Variants in ST6GALNAC3 observed in about 807,000 individuals in gnomAD.
ST6GALNAC3 encodes ST6 N-acetylgalactosaminide alpha-2,6-sialyltransferase 3, also known as alpha-N-acetylgalactosaminide alpha-2,6-sialyltransferase 3.
In ST6GALNAC3, 25 loss-of-function variants were observed where a neutral mutation model predicts 32.7. The observed-to-expected ratio is 0.76, with a 90% CI of 0.56 to 1.07. The LOEUF is 1.07. Among genes scored for constraint, ST6GALNAC3 ranks in the 50% least tolerant of loss-of-function variants. ST6GALNAC3 has a pLI of 0.00. For synonymous variants in ST6GALNAC3, 129 were observed against 133.1 expected (o/e 0.97, Z 0.21); for missense variants, 355 against 382.4 (o/e 0.93, Z 0.60).
intron 3 of ST6GALNAC3, among the ~76,000 whole-genome samples, chr1:76,578,968 A>G (rs1007295580): frequency 2.6e-5 from 4 of 152,004 alleles, no homozygotes; most frequent in Non-Finnish European, 5.9e-5. Context: ...GGGAGAGAGC[A>G]AGAGTGAGTT....
intron 3 of ST6GALNAC3, among the ~76,000 whole-genome samples, chr1:76,615,128 TAAG>T (rs1648213018): frequency 6.6e-6 from 1 of 152,126 alleles, no homozygotes; most frequent in Non-Finnish European, 1.5e-5. Context: ...GCTTCAATGA[TAAG>T]GAGGGAGCTG....
intron 2 of ST6GALNAC3, among the ~76,000 whole-genome samples, chr1:76,381,234 A>C (rs1651694070): frequency 6.6e-6 from 1 of 151,754 alleles, no homozygotes; most frequent in Non-Finnish European, 1.5e-5. Context: ...TGTGATGATA[A>C]GAGATTATAG....
chr1:76,378,287 C>T (rs1651401511), intron 2 of ST6GALNAC3, among the ~76,000 whole-genome samples: 1 of 152,110 alleles, frequency 6.6e-6, no homozygotes, highest in African/African-American at 2.4e-5. Flanking sequence ...TCTAGGCATC[C>T]TTGTTGATAG....
chr1:76,402,867 T>C (rs1430990552), intron 2 of ST6GALNAC3, among the ~76,000 whole-genome samples: 1 of 152,076 alleles, frequency 6.6e-6, no homozygotes, highest in Non-Finnish European at 1.5e-5. Context: ...AAGATGTATT[T>C]CTGCCTTTCC....
intron 3 of ST6GALNAC3, among the ~76,000 whole-genome samples, chr1:76,623,167 C>T (rs748532858): frequency 6.6e-6 from 1 of 151,890 alleles, no homozygotes; most frequent in Non-Finnish European, 1.5e-5. Context: ...GATGAAAGGT[C>T]GTATCTTAAA....
chr1:76,289,999 G>A (rs1419400838), intron 1 of ST6GALNAC3, among the ~76,000 whole-genome samples: 1 of 152,184 alleles, frequency 6.6e-6, no homozygotes, highest in Non-Finnish European at 1.5e-5. Context: ...CATCTACCCA[G>A]GATTTTCTGT....
At chr1:76,500,314 C>T (rs2101722821) in intron 3 of ST6GALNAC3, among the ~76,000 whole-genome samples, 1 of 152,200 alleles carries the variant, frequency 6.6e-6, no homozygotes, top group South Asian at 2.1e-4. Flanking sequence ...GTACATTTTC[C>T]TTATTTCCAT....
chr1:76,455,696 C>T (rs1480567452), intron 3 of ST6GALNAC3, among the ~76,000 whole-genome samples: 3 of 152,096 alleles, frequency 2.0e-5, no homozygotes, highest in Admixed American at 2.0e-4. Flanking sequence ...CAGTTGCATG[C>T]CTATTCTCTA....
At chr1:76,516,116 G>A (rs1346914758) in intron 3 of ST6GALNAC3, among the ~76,000 whole-genome samples, 2 of 152,156 alleles carry the variant, frequency 1.3e-5, no homozygotes, top group Non-Finnish European at 2.9e-5. Context: ...GGATGGGCAT[G>A]CATATGCTGG....
At chr1:76,116,539 A>G (rs1281159995) in intron 1 of ST6GALNAC3, among the ~76,000 whole-genome samples, 2 of 152,016 alleles carry the variant, frequency 1.3e-5, no homozygotes, top group Non-Finnish European at 2.9e-5. Context: ...GGGGTGTTGG[A>G]ATTGGATTAT....
intron 3 of ST6GALNAC3, among the ~76,000 whole-genome samples, chr1:76,413,829 A>G (rs1242769555): frequency 6.6e-6 from 1 of 152,132 alleles, no homozygotes; most frequent in Non-Finnish European, 1.5e-5. Flanking sequence ...ACATTATTCT[A>G]TATAAATATG....
chr1:76,346,295 G>T (rs1648505848), intron 2 of ST6GALNAC3, among the ~76,000 whole-genome samples: 1 of 152,162 alleles, frequency 6.6e-6, no homozygotes, highest in African/African-American at 2.4e-5. Flanking sequence ...ACAGACAGGA[G>T]GTGGTGAAGC....
At chr1:76,472,291 C>G (rs887557501) in intron 3 of ST6GALNAC3, among the ~76,000 whole-genome samples, 1 of 152,148 alleles carries the variant, frequency 6.6e-6, no homozygotes, top group African/African-American at 2.4e-5. Flanking sequence ...AAGCCTTTCT[C>G]TCTCTTTTTT....
chr1:76,347,690 G>A (rs1648634674), intron 2 of ST6GALNAC3, among the ~76,000 whole-genome samples: 1 of 152,008 alleles, frequency 6.6e-6, no homozygotes, highest in Non-Finnish European at 1.5e-5. Flanking sequence ...TATCAGAAAG[G>A]TATAACATAG....
intron 1 of ST6GALNAC3, among the ~76,000 whole-genome samples, chr1:76,213,086 A>G (rs1655257895): frequency 6.6e-6 from 1 of 152,254 alleles, no homozygotes; most frequent in Non-Finnish European, 1.5e-5. Context: ...ATAGTGGCAG[A>G]GACCATGTAT....
intron 2 of ST6GALNAC3, among the ~76,000 whole-genome samples, chr1:76,345,795 T>G (rs1295661403): frequency 6.6e-6 from 1 of 151,986 alleles, no homozygotes; most frequent in Non-Finnish European, 1.5e-5. Flanking sequence ...AGTATGCCCC[T>G]CCCACTCTCT....
At chr1:76,477,569 A>C (rs1356118405) in intron 3 of ST6GALNAC3, among the ~76,000 whole-genome samples, 1 of 152,186 alleles carries the variant, frequency 6.6e-6, no homozygotes, top group African/African-American at 2.4e-5. Flanking sequence ...TGGCTGGCTC[A>C]GAAAGAGCAC....
chr1:76,084,502 A>T (rs1235318783), intron 1 of ST6GALNAC3, among the ~76,000 whole-genome samples: 2 of 152,184 alleles, frequency 1.3e-5, no homozygotes, highest in South Asian at 4.2e-4. Context: ...CTTTTATTTG[A>T]GTTGTTTCAT....
intron 1 of ST6GALNAC3, among the ~76,000 whole-genome samples, chr1:76,094,124 C>T (rs560305677): frequency 1.5e-4 from 23 of 152,220 alleles, no homozygotes; most frequent in Middle Eastern, 3.4e-3. Flanking sequence ...CACAGGAACA[C>T]GAGGAAAGCA....
Sources: allele counts gnomAD v4.1 joint callset (sites outside exome capture counted in the v4.1 genomes callset), GRCh38; gene constraint gnomAD v4.1.1; transcripts MANE v1.5; gene names NCBI Gene and HGNC (gene_info 2026-07-23, HGNC 2026-07-21).